Variants in ZFHX3 observed in about 807,000 individuals in gnomAD.
The protein encoded by ZFHX3 is zinc finger homeobox protein 3.
A neutral mutation model predicts 279.1 loss-of-function variants in ZFHX3; 42 were observed. The ratio of observed to expected loss-of-function variants is 0.15; its 90% CI spans 0.12 to 0.19. ZFHX3 has a LOEUF of 0.19. ZFHX3 is among the 10% of genes least tolerant of loss of function. The pLI, the probability that ZFHX3 is intolerant of heterozygous loss-of-function variation, is 1.00. For missense variants in ZFHX3, 4,981 were observed against 4,754.0 expected (o/e 1.05, Z -1.40); for synonymous variants, 2,293 against 1,957.8 (o/e 1.17, Z -4.52).
chr16:72,994,884 G>A (rs1215531735), intron 1 of ZFHX3, among the ~76,000 whole-genome samples: 1 of 152,226 alleles, frequency 6.6e-6, no homozygotes, highest in Non-Finnish European at 1.5e-5. Context: ...AGAGCTGCCT[G>A]TGGACAGGGT....
At chr16:73,296,019 A>G (rs894441283) in intron 4 of ZFHX3, among the ~76,000 whole-genome samples, 2 of 152,010 alleles carry the variant, frequency 1.3e-5, no homozygotes, top group Non-Finnish European at 2.9e-5. Flanking sequence ...GCCACAGTCC[A>G]TGCATCATCC....
chr16:73,526,217 C>T (rs1190238871), intron 2 of ZFHX3, among the ~76,000 whole-genome samples: 2 of 152,244 alleles, frequency 1.3e-5, no homozygotes, highest in Non-Finnish European at 2.9e-5. Context: ...TAATTCCTCA[C>T]TTCCGCCATC....
At chr16:72,891,817 G>A (rs540038296) in intron 3 of ZFHX3, among the ~76,000 whole-genome samples, 1 of 152,142 alleles carries the variant, frequency 6.6e-6, no homozygotes. Flanking sequence ...GCCAAGCCTG[G>A]CCCATGGAGC....
At chr16:72,872,104 C>CAAACAAAAAAAAACA (rs2038176470) in intron 4 of ZFHX3, among the ~76,000 whole-genome samples, 3 of 150,272 alleles carry the variant, frequency 2.0e-5, no homozygotes, top group African/African-American at 7.3e-5. Context: ...AAACAAAAAA[C>CAAACAAAAAAAAACA]AAAAAAAAAA....
chr16:73,308,274 TA>T (rs2015239854), intron 4 of ZFHX3, among the ~76,000 whole-genome samples: 21 of 43,014 alleles, frequency 4.9e-4, no homozygotes, highest in East Asian at 3.8e-3. Context: ...TATATATATA[TA>T]TATTTATTTA....
chr16:73,730,731 C>T (rs1355369369), intron 1 of ZFHX3, among the ~76,000 whole-genome samples: 1 of 152,128 alleles, frequency 6.6e-6, no homozygotes, highest in African/African-American at 2.4e-5. Context: ...GTGATATTTC[C>T]GGCCATTTTT....
rs542935001 is a variant in ZFHX3, at chr16:73,782,970, T to A, written c.-1607-102730A>T. Among the ~76,000 whole-genome samples, 94 of 152,344 alleles carry A rather than the reference T, an allele frequency of 6.2e-4. 1 individual carries two copies. The highest frequency in any genetic ancestry group is 2.2e-3 in the African/African-American group (93 of 41,582). On this transcript the variant is annotated intron_variant, in intron 1 of 17. Transcript: ENST00000641206. Reference sequence around the variant, plus strand: ...CAATAGGTGAAAACTTCAGGATACATAATTCTATGGGATTCTCTATTTTCC... The same window carrying A: ...CAATAGGTGAAAACTTCAGGATACAAAATTCTATGGGATTCTCTATTTTCC...
intron 2 of ZFHX3, among the ~76,000 whole-genome samples, chr16:72,955,308 G>C (rs1341807586): frequency 6.6e-6 from 1 of 152,148 alleles, no homozygotes; most frequent in African/African-American, 2.4e-5. Context: ...AATATGGTGT[G>C]GCCCTTCCAT....
rs1200521848 is a variant in ZFHX3 at position 73,105,410 on chromosome 16, C to CACACACACACATATATATATATATAT, written c.-896-11813_-896-11812insATATATATATATATATGTGTGTGTGT. Reference sequence around the variant, plus strand: ...ACACACACACATATATATATATATACACACACACATATATATATATATACA... The same window carrying CACACACACACATATATATATATATAT: ...ACACACACACATATATATATATATACACACACACACATATATATATATATATACACACACATATATATATATATACA... On this transcript the variant is annotated intron_variant, in intron 7 of 17. Transcript: ENST00000641206. 1.0e-4 allele frequency among the ~76,000 whole-genome samples: 12 copies of CACACACACACATATATATATATATAT among 116,942 alleles called. 1 individual carries two copies. The highest frequency in any genetic ancestry group is 5.1e-4 in the East Asian group (2 of 3,900). The allele number at this position is 116,942 out of a possible 152,430, so 76.7% of individuals were successfully genotyped here. A position where few individuals can be genotyped will look rare whatever the true frequency, so the allele number is the denominator to read the frequency against.
At chr16:73,744,409 C>T (rs1489628248) in intron 1 of ZFHX3, among the ~76,000 whole-genome samples, 4 of 152,180 alleles carry the variant, frequency 2.6e-5, no homozygotes, top group African/African-American at 9.7e-5. Context: ...GCCAAACTGA[C>T]AGGCTAGAAG....
At chr16:73,213,974 C>G (rs1440840450) in intron 5 of ZFHX3, among the ~76,000 whole-genome samples, 1 of 152,114 alleles carries the variant, frequency 6.6e-6, no homozygotes, top group African/African-American at 2.4e-5. Context: ...ACCAAGATTT[C>G]ACAACTGTTT....
intron 3 of ZFHX3, among the ~76,000 whole-genome samples, chr16:72,944,853 A>AG (rs1450897024): frequency 1.3e-5 from 2 of 152,224 alleles, no homozygotes; most frequent in African/African-American, 4.8e-5. Context: ...AAAGAGAGAG[A>AG]GAAAAAAAAC....
chr16:73,729,554 CA>C (rs374957755), intron 1 of ZFHX3, among the ~76,000 whole-genome samples: 13,616 of 54,744 alleles, frequency 0.25, 741 homozygotes, highest in African/African-American at 0.3. Context: ...ACAAACAAAC[CA>C]AAAAAAAAAA....
rs372923100 is a variant in ZFHX3 at position 72,819,751 on chromosome 16, A to G, written c.3530-7713T>C. On this transcript the variant is annotated intron_variant, in intron 5 of 9. Transcript: ENST00000268489. ...GGATGACAGCCAGGTTTGGTCTCATAGCCTAGATGTTTTAAAACACCCTCA... is the reference window on the plus strand; with the variant it reads ...GGATGACAGCCAGGTTTGGTCTCATGGCCTAGATGTTTTAAAACACCCTCA... 2.9e-3 allele frequency among the ~76,000 whole-genome samples: 448 copies of G among 152,340 alleles called. 2 individuals are homozygous for G. Among genetic ancestry groups the G allele is most frequent in the Non-Finnish European group, 4.9e-3 (335 of 68,024 alleles).
At chr16:73,210,111 G>A (rs907055359) in intron 5 of ZFHX3, among the ~76,000 whole-genome samples, 3 of 152,214 alleles carry the variant, frequency 2.0e-5, no homozygotes, top group Admixed American at 1.3e-4. Flanking sequence ...GCATGCTGAA[G>A]TTCCCAGGTC....
chr16:73,579,455 T>C (rs2051834374), intron 2 of ZFHX3, among the ~76,000 whole-genome samples: 1 of 152,152 alleles, frequency 6.6e-6, no homozygotes, highest in Admixed American at 6.5e-5. Flanking sequence ...ATACGTATCA[T>C]ACACATTATT....
At chr16:73,107,739 C>A (rs1190102609) in intron 7 of ZFHX3, among the ~76,000 whole-genome samples, 1 of 152,222 alleles carries the variant, frequency 6.6e-6, no homozygotes, top group Non-Finnish European at 1.5e-5. Context: ...TGATAATGGG[C>A]TGGGTGTGGT....
chr16:73,469,740 C>G (rs547526814), intron 2 of ZFHX3, among the ~76,000 whole-genome samples: 1 of 152,086 alleles, frequency 6.6e-6, no homozygotes, highest in Non-Finnish European at 1.5e-5. Context: ...GCCTCAGTCT[C>G]CCAAGTAGCT....
intron 1 of ZFHX3, among the ~76,000 whole-genome samples, chr16:73,849,772 G>A (rs777375960): frequency 2.6e-5 from 4 of 152,108 alleles, no homozygotes; most frequent in Non-Finnish European, 4.4e-5. Context: ...TCGCTCTGTC[G>A]CCCAGGCTAG....
Sources: gnomAD v4.1 joint callset for allele counts (sites outside exome capture counted in the v4.1 genomes callset) on GRCh38, gnomAD v4.1.1 for gene constraint, MANE v1.5 for transcripts, NCBI Gene and HGNC (gene_info 2026-07-23, HGNC 2026-07-21) for gene names.